FSTL5: variants seen among roughly 807,000 people sequenced by gnomAD.
FSTL5 encodes the protein follistatin-related protein 5.
A neutral mutation model predicts 89.1 loss-of-function variants in FSTL5; 62 were observed. The observed-to-expected ratio is 0.70, with a 90% CI of 0.57 to 0.86. The LOEUF is 0.86. Among genes scored for constraint, FSTL5 ranks in the 40% least tolerant of loss-of-function variants. FSTL5 has a pLI of 0.00. For missense variants in FSTL5, 1,057 were observed against 1,001.6 expected (o/e 1.06, Z -0.75); for synonymous variants, 383 against 346.2 (o/e 1.11, Z -1.18).
chr4:161,872,416 T>C (rs1732305048), intron 4 of FSTL5, among the ~76,000 whole-genome samples: 1 of 152,190 alleles, frequency 6.6e-6, no homozygotes, highest in South Asian at 2.1e-4. Context: ...GCAGTGGCTT[T>C]AAAAATGCCT....
chr4:161,746,977 G>A (rs527949832), intron 6 of FSTL5, among the ~76,000 whole-genome samples: 13 of 152,228 alleles, frequency 8.5e-5, no homozygotes, highest in East Asian at 3.9e-4. Flanking sequence ...ATTCAGCGGC[G>A]TATGTAATTC....
intron 15 of FSTL5, among the ~76,000 whole-genome samples, chr4:161,419,787 A>C (rs1042661278): frequency 6.6e-6 from 1 of 152,182 alleles, no homozygotes; most frequent in African/African-American, 2.4e-5. Context: ...GGCCCCAGTC[A>C]CTGTTATACC....
chr4:162,118,058 C>T (rs1237368187), intron 1 of FSTL5, among the ~76,000 whole-genome samples: 1 of 152,150 alleles, frequency 6.6e-6, no homozygotes, highest in Non-Finnish European at 1.5e-5. Context: ...AAAAACCTCC[C>T]TTGTCAAGGA....
intron 4 of FSTL5, among the ~76,000 whole-genome samples, chr4:161,778,346 A>C (rs1407259801): frequency 2.0e-5 from 3 of 152,230 alleles, no homozygotes; most frequent in Non-Finnish European, 4.4e-5. Context: ...GATTTTTTAT[A>C]ACATATTTTT....
At chr4:161,921,303 C>T (rs1387356403) in intron 3 of FSTL5, among the ~76,000 whole-genome samples, 1 of 152,094 alleles carries the variant, frequency 6.6e-6, no homozygotes, top group East Asian at 1.9e-4. Flanking sequence ...ACTAAATCAA[C>T]AAATCATGAA....
At chr4:161,607,049 CA>C (rs1362015918) in intron 7 of FSTL5, among the ~76,000 whole-genome samples, 3 of 151,906 alleles carry the variant, frequency 2.0e-5, no homozygotes, top group Non-Finnish European at 2.9e-5. Flanking sequence ...TGTTTTACAA[CA>C]AAAAAAGGTG....
At chr4:162,105,447 T>G (rs140148461) in intron 2 of FSTL5, among the ~76,000 whole-genome samples, 215 of 152,322 alleles carry the variant, frequency 1.4e-3, no homozygotes, top group African/African-American at 5.0e-3. Flanking sequence ...ATTTTTCCCA[T>G]TTATAAAATA....
chr4:161,729,108 G>A (rs1484903746), intron 6 of FSTL5, among the ~76,000 whole-genome samples: 1 of 152,098 alleles, frequency 6.6e-6, no homozygotes, highest in African/African-American at 2.4e-5. Context: ...TCAACTCAAA[G>A]GGCAGCATAT....
intron 15 of FSTL5, among the ~76,000 whole-genome samples, chr4:161,422,744 C>A (rs1478885183): frequency 6.7e-6 from 1 of 149,562 alleles, no homozygotes; most frequent in Admixed American, 6.6e-5. Context: ...AGGGAGTTTG[C>A]TTTATTTTTC....
At chr4:162,087,606 G>C (rs1730371619) in intron 2 of FSTL5, among the ~76,000 whole-genome samples, 3 of 152,106 alleles carry the variant, frequency 2.0e-5, no homozygotes, top group East Asian at 3.9e-4. Context: ...GAAATCATGA[G>C]AGCCACTGGA....
chr4:161,735,321 C>A (rs973132573), intron 6 of FSTL5, among the ~76,000 whole-genome samples: 7 of 152,122 alleles, frequency 4.6e-5, no homozygotes, highest in Non-Finnish European at 7.4e-5. Flanking sequence ...GTCTGACTAT[C>A]CATGAGCTCC....
At chr4:161,842,020 G>A (rs1731226648) in intron 4 of FSTL5, among the ~76,000 whole-genome samples, 1 of 152,104 alleles carries the variant, frequency 6.6e-6, no homozygotes, top group Non-Finnish European at 1.5e-5. Flanking sequence ...CTCCAACAGA[G>A]CGAGGACACC....
At chr4:162,050,402 T>C (rs1464588872) in intron 2 of FSTL5, among the ~76,000 whole-genome samples, 1 of 151,204 alleles carries the variant, frequency 6.6e-6, no homozygotes, top group African/African-American at 2.4e-5. Context: ...TGTCATTTTA[T>C]AATATAAATA....
At chr4:161,532,205 A>G (rs1216127159) in intron 10 of FSTL5, among the ~76,000 whole-genome samples, 1 of 152,112 alleles carries the variant, frequency 6.6e-6, no homozygotes, top group Non-Finnish European at 1.5e-5. Context: ...ATCTCCAAAA[A>G]AAAAAAAAGA....
rs140086133 is a variant in FSTL5 at position 161,401,588 on chromosome 4, G to C, written c.1842-15139C>G. ...CACCCAGGATGGAGTGCAGTGGCGCGATCTCAGCTCACTGCAAGCTCTGCC... is the reference window on the plus strand; with the variant it reads ...CACCCAGGATGGAGTGCAGTGGCGCCATCTCAGCTCACTGCAAGCTCTGCC... On this transcript the variant is annotated intron_variant, in intron 15 of 15. Coordinates refer to ENST00000306100, the MANE Select transcript of FSTL5 (RefSeq NM_020116.5). Among the ~76,000 whole-genome samples, 855 of 152,180 alleles carry C rather than the reference G, an allele frequency of 5.6e-3. 4 individuals are homozygous for C. Among genetic ancestry groups the C allele is most frequent in the Non-Finnish European group, 9.7e-3 (660 of 67,996 alleles).
At position 161,385,828 on chromosome 4, in the gene FSTL5, T is replaced by G; in HGVS notation, c.2463A>C (p.Leu821=). ...AGTTTAATTTATTGAGTCGTCCATC[T>G]AGGATGAAGAGAGAGTCCTTGGAAG... ...MTPSKDSLFI[L]DGRLNKLNCE... The change falls in exon 16 of 16, where the codon CTA becomes CTC. Residue 821 remains leucine (L), a synonymous_variant. Transcript: ENST00000306100. 1 of 1,613,770 alleles carries G rather than the reference T, an allele frequency of 6.2e-7. No homozygotes were observed. The highest frequency in any genetic ancestry group is 1.7e-5 in the Admixed American group (1 of 59,948).
intron 13 of FSTL5, among the ~76,000 whole-genome samples, chr4:161,463,541 G>T: frequency 6.6e-6 from 1 of 152,098 alleles, no homozygotes. Context: ...AGTCAGAAAA[G>T]CCAGTATGTT....
At chr4:161,783,019 T>C (rs1741725523) in intron 4 of FSTL5, among the ~76,000 whole-genome samples, 1 of 152,086 alleles carries the variant, frequency 6.6e-6, no homozygotes, top group Non-Finnish European at 1.5e-5. Context: ...CTCCCACCAC[T>C]GTCACAAACA....
chr4:162,080,668 G>A (rs1730057469), intron 2 of FSTL5, among the ~76,000 whole-genome samples: 1 of 151,388 alleles, frequency 6.6e-6, no homozygotes, highest in Non-Finnish European at 1.5e-5. Context: ...TCATTATCTT[G>A]TCTCTAAAAT....
Sources: allele counts gnomAD v4.1 joint callset (sites outside exome capture counted in the v4.1 genomes callset), GRCh38; gene constraint gnomAD v4.1.1; transcripts MANE v1.5; gene names NCBI Gene and HGNC (gene_info 2026-07-23, HGNC 2026-07-21).